TBX15: variants seen among roughly 807,000 people sequenced by gnomAD.
TBX15 encodes the protein T-box transcription factor TBX15.
TBX15 carries 18 observed loss-of-function variants against 53.9 expected under a neutral mutation model. The ratio of observed to expected loss-of-function variants is 0.33; its 90% CI spans 0.23 to 0.49. The LOEUF is 0.49. Among genes scored for constraint, TBX15 ranks in the 20% least tolerant of loss-of-function variants. The pLI, the probability that TBX15 is intolerant of heterozygous loss-of-function variation, is 0.98. For synonymous variants in TBX15, 295 were observed against 278.0 expected, an observed-to-expected ratio of 1.06 and a Z score of -0.61; for missense variants, 692 against 749.5, an observed-to-expected ratio of 0.92 and a Z score of 0.90.
chr1:118,985,039 C>T (rs1337430290), intron 1 of TBX15, among the ~76,000 whole-genome samples: 1 of 152,088 alleles, frequency 6.6e-6, no homozygotes, highest in African/African-American at 2.4e-5. Context: ...TCCGGCAGAG[C>T]GGACTAAAAA....
intron 6 of TBX15, among the ~76,000 whole-genome samples, chr1:118,900,964 CTGA>C (rs1654610148): frequency 6.6e-6 from 1 of 152,112 alleles, no homozygotes; most frequent in African/African-American, 2.4e-5. Flanking sequence ...GGAACATGTA[CTGA>C]TGATGAGGAC....
At chr1:118,924,838 G>A (rs1310992780) in intron 3 of TBX15, 21 bp from the exon 4 acceptor site, 1 of 1,613,710 alleles carries the variant, frequency 6.2e-7, no homozygotes, top group African/African-American at 1.3e-5. Flanking sequence ...GAGGAAGAGA[G>A]GAAAATTCAG....
intron 1 of TBX15, among the ~76,000 whole-genome samples, chr1:118,936,558 G>T (rs2101624597): frequency 6.6e-6 from 1 of 152,132 alleles, no homozygotes; most frequent in Admixed American, 6.5e-5. Context: ...GCTAAAAAAA[G>T]TTATATATTT....
At chr1:118,969,643 C>T (rs955017846) in intron 1 of TBX15, among the ~76,000 whole-genome samples, 1 of 152,164 alleles carries the variant, frequency 6.6e-6, no homozygotes, top group African/African-American at 2.4e-5. Flanking sequence ...GGCGTTCTCC[C>T]AGAAGACACT....
Position 118,923,499 on chromosome 1 carries a change from C to T in TBX15, c.798G>A (p.Gly266=). The change falls in exon 5 of 8, where the codon GGG becomes GGA. Residue 266 remains glycine (G), a synonymous_variant. Transcript: ENST00000369429. ...SPTKPVPVGD[G]VKTFNFPETV... ...TCTCAGGAAAGTTGAACGTTTTCAC[C>T]CCATCCCCAACAGGAACAGGCTTAG... The T allele has an allele frequency of 6.2e-7, 1 of 1,613,926 alleles. No individual in the cohort carries two copies.
chr1:118,928,599 T>A (rs1160593163), intron 2 of TBX15, among the ~76,000 whole-genome samples: 1 of 152,228 alleles, frequency 6.6e-6, no homozygotes, highest in Middle Eastern at 3.2e-3. Context: ...GAGGGCATCT[T>A]GCCAGAGATG....
Position 118,987,821 on chromosome 1 carries a change from G to C in TBX15, c.-26C>G. On this transcript the variant is annotated 5_prime_UTR_variant, in exon 1 of 8. Transcript: ENST00000369429. ...TTTAGCCGCCCACACCCCTGCCTCCGCTTGCCCCCGCTACCGAGGGAGCAG... is the reference window on the plus strand; with the variant it reads ...TTTAGCCGCCCACACCCCTGCCTCCCCTTGCCCCCGCTACCGAGGGAGCAG... The C allele has an allele frequency of 6.5e-7, 1 of 1,546,116 alleles. No individual in the cohort carries two copies. The highest frequency in any genetic ancestry group is 8.7e-7 in the Non-Finnish European group (1 of 1,145,160).
rs146742755 is a variant in TBX15, at chr1:118,944,323, T to C, written c.206-12491A>G. ...AGGTAAGGAATTGCCTTACACTGTC[T>C]TCTGTGTAGAAGGCTGATTTGGGAA... On this transcript the variant is annotated intron_variant, in intron 1 of 7. Coordinates refer to ENST00000369429, the MANE Select transcript of TBX15 (RefSeq NM_001330677.2). Among the ~76,000 whole-genome samples the C allele has an allele frequency of 3.1e-3, 476 of 152,338 alleles. 1 individual carries two copies. Among genetic ancestry groups the C allele is most frequent in the Middle Eastern group, 0.017 (5 of 294 alleles).
At chr1:118,953,691 T>A (rs952836212) in intron 1 of TBX15, among the ~76,000 whole-genome samples, 1 of 152,198 alleles carries the variant, frequency 6.6e-6, no homozygotes, top group Admixed American at 6.5e-5. Context: ...TACACAGGAT[T>A]GTTCCAAGTT....
intron 1 of TBX15, among the ~76,000 whole-genome samples, chr1:118,968,948 GA>G (rs1657144104): frequency 6.6e-6 from 1 of 152,206 alleles, no homozygotes; most frequent in Non-Finnish European, 1.5e-5. Context: ...GTTGGGATTA[GA>G]AAGTAGGTTT....
chr1:118,894,741 T>A (rs1038595119), intron 7 of TBX15, among the ~76,000 whole-genome samples: 3 of 152,048 alleles, frequency 2.0e-5, no homozygotes, highest in Non-Finnish European at 2.9e-5. Flanking sequence ...GGCTGTGAGG[T>A]AGATGATAAC....
chr1:118,938,014 A>G (rs979849862), intron 1 of TBX15, among the ~76,000 whole-genome samples: 2 of 152,196 alleles, frequency 1.3e-5, no homozygotes, highest in African/African-American at 4.8e-5. Context: ...ATCAGATTTT[A>G]TCGAGTATCT....
intron 7 of TBX15, among the ~76,000 whole-genome samples, chr1:118,892,951 G>T (rs1031313653): frequency 6.6e-6 from 1 of 151,990 alleles, no homozygotes; most frequent in Non-Finnish European, 1.5e-5. Context: ...GAATTTTGGG[G>T]GCCAGGTGTG....
intron 1 of TBX15, among the ~76,000 whole-genome samples, chr1:118,956,895 G>A (rs1447697300): frequency 1.3e-5 from 2 of 151,526 alleles, no homozygotes; most frequent in African/African-American, 2.4e-5. Flanking sequence ...CCCGGGAGGC[G>A]GAGTTTGCAG....
At chr1:118,971,651 T>G (rs1160942135) in intron 1 of TBX15, among the ~76,000 whole-genome samples, 2 of 152,348 alleles carry the variant, frequency 1.3e-5, no homozygotes, top group East Asian at 3.9e-4. Flanking sequence ...AACTTATCCA[T>G]TCATCTACGA....
At chr1:118,890,592 G>A (rs1293740773) in intron 7 of TBX15, among the ~76,000 whole-genome samples, 6 of 152,260 alleles carry the variant, frequency 3.9e-5, no homozygotes, top group African/African-American at 7.2e-5. Flanking sequence ...AAAAGGATAC[G>A]TTTAGCAGTA....
chr1:118,884,926 G>T lies in TBX15; in HGVS notation c.1615C>A (p.Gln539Lys), dbSNP rs751471721. The change falls in exon 8 of 8, where the codon CAA (glutamine) becomes AAA (lysine). Residue 539 changes from glutamine (Q) to lysine (K), a missense_variant. Coordinates refer to ENST00000369429, the MANE Select transcript of TBX15 (RefSeq NM_001330677.2). ...GGAGAAGAACAGAGTAAAGTGCTTTGAGAGGCGCTCAGTTTTTCCGGGCTT... is the reference window on the plus strand; with the variant it reads ...GGAGAAGAACAGAGTAAAGTGCTTTTAGAGGCGCTCAGTTTTTCCGGGCTT... ...AASPEKLSAS[Q>K]STLLCSSPSN... 1.2e-6 allele frequency: 2 copies of T among 1,614,200 alleles called. No homozygotes were observed. Among genetic ancestry groups the T allele is most frequent in the Non-Finnish European group, 1.7e-6 (2 of 1,180,038 alleles).
chr1:118,920,087 A>C (rs1655371260), intron 5 of TBX15, among the ~76,000 whole-genome samples: 2 of 152,208 alleles, frequency 1.3e-5, no homozygotes, highest in African/African-American at 4.8e-5. Context: ...AAAGTAGTAC[A>C]GTCCGTCAAT....
chr1:118,965,673 C>T (rs1172421535), intron 1 of TBX15, among the ~76,000 whole-genome samples: 1 of 152,052 alleles, frequency 6.6e-6, no homozygotes, highest in Non-Finnish European at 1.5e-5. Flanking sequence ...CCTGAAGGCT[C>T]GTCAAAATAG....
Sources: gnomAD v4.1 joint callset for allele counts (sites outside exome capture counted in the v4.1 genomes callset) on GRCh38, gnomAD v4.1.1 for gene constraint, MANE v1.5 for transcripts, NCBI Gene and HGNC (gene_info 2026-07-23, HGNC 2026-07-21) for gene names.